ITPRID1: variants seen among roughly 807,000 people sequenced by gnomAD.
ITPRID1 encodes the protein ITPR interacting domain containing 1.
ITPRID1 carries 96 observed loss-of-function variants against 95.4 expected under a neutral mutation model. The ratio of observed to expected loss-of-function variants is 1.01; its 90% CI spans 0.85 to 1.19. The LOEUF is 1.19. Among genes scored for constraint, ITPRID1 ranks in the 50% most tolerant of loss-of-function variants. The probability of loss-of-function intolerance (pLI) is 0.00; values close to 1 mark genes in which losing one functional copy is unlikely to be tolerated. For synonymous variants in ITPRID1, 510 were observed against 453.6 expected (o/e 1.12, Z -1.58); for missense variants, 1,339 against 1,252.9 (o/e 1.07, Z -1.04).
intron 10 of ITPRID1, among the ~76,000 whole-genome samples, chr7:31,609,163 G>C (rs182112131): frequency 2.2e-4 from 33 of 151,708 alleles, no homozygotes; most frequent in African/African-American, 8.0e-4. Context: ...TTGCATTCCT[G>C]AGATGGGTTC....
chr7:31,627,230 T>C (rs749799417), intron 10 of ITPRID1, among the ~76,000 whole-genome samples: 1 of 152,200 alleles, frequency 6.6e-6, no homozygotes, highest in Non-Finnish European at 1.5e-5. Flanking sequence ...TAAATGATTG[T>C]TACATGAATA....
intron 1 of ITPRID1, among the ~76,000 whole-genome samples, chr7:31,546,325 T>C (rs1382669249): frequency 1.3e-5 from 2 of 152,228 alleles, no homozygotes; most frequent in East Asian, 3.9e-4. Context: ...CTCCAATAAT[T>C]TTTGTAAAAA....
intron 5 of ITPRID1, among the ~76,000 whole-genome samples, chr7:31,562,643 A>T (rs952226843): frequency 5.3e-5 from 8 of 152,214 alleles, no homozygotes; most frequent in Admixed American, 2.6e-4. Flanking sequence ...GGGAACAATG[A>T]TGTAAAATAT....
At chr7:31,603,370 A>T (rs1786480603) in intron 10 of ITPRID1, among the ~76,000 whole-genome samples, 1 of 151,972 alleles carries the variant, frequency 6.6e-6, no homozygotes, top group African/African-American at 2.4e-5. Flanking sequence ...GCAAGTAACA[A>T]TTCTTTTAAT....
chr7:31,604,337 T>C (rs969589618), intron 10 of ITPRID1, among the ~76,000 whole-genome samples: 48 of 152,184 alleles, frequency 3.2e-4, no homozygotes, highest in Admixed American at 1.3e-4. Context: ...TCAGCAAGGG[T>C]GTAACTGAGC....
At chr7:31,640,661 A>ATATC (rs992662759) in intron 10 of ITPRID1, among the ~76,000 whole-genome samples, 8 of 150,198 alleles carry the variant, frequency 5.3e-5, no homozygotes, top group Admixed American at 1.3e-4. Flanking sequence ...TTTTTTCCAC[A>ATATC]TATCTTGTCT....
intron 5 of ITPRID1, among the ~76,000 whole-genome samples, chr7:31,564,669 G>T (rs142798450): frequency 6.6e-6 from 1 of 152,268 alleles, no homozygotes; most frequent in Non-Finnish European, 1.5e-5. Flanking sequence ...TAGTTTGTCT[G>T]TCCTGTGATG....
At chr7:31,639,914 T>C (rs1789867068) in intron 10 of ITPRID1, among the ~76,000 whole-genome samples, 1 of 152,234 alleles carries the variant, frequency 6.6e-6, no homozygotes, top group African/African-American at 2.4e-5. Context: ...GTGGTTTCAA[T>C]TGATTGATTT....
chr7:31,556,772 G>T (rs958764784), intron 5 of ITPRID1, among the ~76,000 whole-genome samples: 1 of 152,126 alleles, frequency 6.6e-6, no homozygotes, highest in East Asian at 1.9e-4. Context: ...GTAGAGTGAC[G>T]CATGAATTTC....
At chr7:31,524,625 A>G (rs1302439254) in intron 1 of ITPRID1, among the ~76,000 whole-genome samples, 1 of 152,232 alleles carries the variant, frequency 6.6e-6, no homozygotes, top group Non-Finnish European at 1.5e-5. Flanking sequence ...ATAAGAATGT[A>G]CATTTTCCCC....
chr7:31,579,966 A>G (rs1785335937), intron 9 of ITPRID1, among the ~76,000 whole-genome samples: 1 of 152,192 alleles, frequency 6.6e-6, no homozygotes, highest in African/African-American at 2.4e-5. Context: ...TCTTGCAAAG[A>G]TTATTTAATT....
chr7:31,633,679 C>G (rs1789221225), intron 10 of ITPRID1, among the ~76,000 whole-genome samples: 1 of 152,230 alleles, frequency 6.6e-6, no homozygotes, highest in African/African-American at 2.4e-5. Context: ...TCCATTCCAA[C>G]TCTAGGCTAA....
intron 10 of ITPRID1, among the ~76,000 whole-genome samples, chr7:31,614,408 A>T (rs540654568): frequency 6.6e-6 from 1 of 152,252 alleles, no homozygotes; most frequent in Non-Finnish European, 1.5e-5. Flanking sequence ...TTTCAGATTT[A>T]CACTTATTCT....
intron 10 of ITPRID1, among the ~76,000 whole-genome samples, chr7:31,596,749 A>G (rs1476708733): frequency 6.6e-6 from 1 of 151,546 alleles, no homozygotes; most frequent in Non-Finnish European, 1.5e-5. Context: ...GAACAGAAAT[A>G]AGTGTAGATG....
At chr7:31,632,036 C>A (rs1443170861) in intron 10 of ITPRID1, among the ~76,000 whole-genome samples, 1 of 152,166 alleles carries the variant, frequency 6.6e-6, no homozygotes, top group Non-Finnish European at 1.5e-5. Flanking sequence ...GAAGGTTCCA[C>A]CATGCTCTTT....
chr7:31,531,707 A>G (rs1360959416), intron 1 of ITPRID1, among the ~76,000 whole-genome samples: 5 of 152,124 alleles, frequency 3.3e-5, no homozygotes. Context: ...AAAGAGAGGG[A>G]GTCTGTGGGA....
At chr7:31,540,539 C>A (rs906544169) in intron 1 of ITPRID1, among the ~76,000 whole-genome samples, 2 of 152,174 alleles carry the variant, frequency 1.3e-5, no homozygotes, top group African/African-American at 4.8e-5. Context: ...TCTCCAGTTT[C>A]CCATTTTTAT....
At chr7:31,575,497 A>C (rs1349094417) in intron 8 of ITPRID1, among the ~76,000 whole-genome samples, 2 of 152,304 alleles carry the variant, frequency 1.3e-5, no homozygotes, top group Admixed American at 6.5e-5. Context: ...TGCTCAAAAC[A>C]GTTTGGGGGA....
At chr7:31,624,673 A>T (rs970456858) in intron 10 of ITPRID1, among the ~76,000 whole-genome samples, 4 of 150,534 alleles carry the variant, frequency 2.7e-5, no homozygotes, top group Non-Finnish European at 4.5e-5. Context: ...AAAACCCTAG[A>T]AGAAAACCTA....
Sources: allele counts gnomAD v4.1 joint callset (sites outside exome capture counted in the v4.1 genomes callset), GRCh38; gene constraint gnomAD v4.1.1; transcripts MANE v1.5; gene names NCBI Gene and HGNC (gene_info 2026-07-23, HGNC 2026-07-21).